Variants in THSD4 observed in about 807,000 individuals in gnomAD.
The protein encoded by THSD4 is thrombospondin type 1 domain containing 4.
A neutral mutation model predicts 119.0 loss-of-function variants in THSD4; 69 were observed. That is an observed-to-expected ratio of 0.58 (90% CI 0.48 to 0.71). The LOEUF (loss-of-function observed/expected upper bound fraction) is 0.71, where lower values mean the gene tolerates loss of function less well. Ranked by LOEUF, THSD4 falls within the 30% of genes least tolerant of loss-of-function variation. The pLI is 0.00. For missense variants in THSD4, 1,393 were observed against 1,391.1 expected (o/e 1.00, Z -0.02); for synonymous variants, 524 against 540.4 (o/e 0.97, Z 0.42).
intron 6 of THSD4, among the ~76,000 whole-genome samples, chr15:71,373,219 T>C (rs1331907366): frequency 1.3e-5 from 2 of 152,230 alleles, no homozygotes; most frequent in African/African-American, 4.8e-5. Context: ...GGATTAAAAA[T>C]AATTCTTAAT....
chr15:71,560,193 A>G (rs373547439), intron 7 of THSD4, among the ~76,000 whole-genome samples: 4 of 152,384 alleles, frequency 2.6e-5, no homozygotes, highest in African/African-American at 9.6e-5. Flanking sequence ...TTTTTAAGGG[A>G]CAAAATGAGT....
chr15:71,604,409 CACAATGGTTACTTT>C (rs2050069234), intron 7 of THSD4, among the ~76,000 whole-genome samples: 1 of 152,136 alleles, frequency 6.6e-6, no homozygotes, highest in African/African-American at 2.4e-5. Flanking sequence ...GTAATCCTTC[CACAATGGTTACTTT>C]ACCCTACATG....
At chr15:71,494,705 A>G (rs1402258611) in intron 7 of THSD4, among the ~76,000 whole-genome samples, 1 of 152,202 alleles carries the variant, frequency 6.6e-6, no homozygotes, top group Non-Finnish European at 1.5e-5. Flanking sequence ...AGAGGAGGAC[A>G]GAAGCCTCCA....
Position 71,193,819 on chromosome 15 carries a change from T to C in THSD4, c.100-21216T>C, listed in dbSNP as rs562114692. On this transcript the variant is annotated intron_variant, in intron 3 of 17. Coordinates refer to ENST00000261862, the MANE Select transcript of THSD4 (RefSeq NM_024817.3). ...GCCTCCCGGGTTCACACCATTCTCC[T>C]GCCTCAGCCTCCCTAGTCCCCCCTG... 2.6e-4 allele frequency among the ~76,000 whole-genome samples: 40 copies of C among 152,310 alleles called. No homozygotes were observed. The South Asian group carries it at 3.1e-3, about 12-fold the overall frequency.
intron 6 of THSD4, among the ~76,000 whole-genome samples, chr15:71,379,689 ACCC>A (rs2046202662): frequency 6.6e-6 from 1 of 150,892 alleles, no homozygotes; most frequent in African/African-American, 2.4e-5. Flanking sequence ...CAATCTCCTG[ACCC>A]CGTGATCCAC....
At chr15:71,152,445 A>G (rs950087978) in intron 2 of THSD4, among the ~76,000 whole-genome samples, 12 of 151,956 alleles carry the variant, frequency 7.9e-5, no homozygotes, top group Non-Finnish European at 1.5e-4. Flanking sequence ...ATAAAAATCA[A>G]CAAAAGGAAA....
intron 6 of THSD4, among the ~76,000 whole-genome samples, chr15:71,374,403 ACTT>A (rs1249369834): frequency 6.6e-6 from 1 of 152,196 alleles, no homozygotes; most frequent in African/African-American, 2.4e-5. Context: ...AGTATCTGTT[ACTT>A]CTTATCCCAT....
intron 7 of THSD4, among the ~76,000 whole-genome samples, chr15:71,426,476 A>T (rs1259097447): frequency 6.6e-6 from 1 of 151,508 alleles, no homozygotes; most frequent in East Asian, 1.9e-4. Context: ...ACACAAGTAG[A>T]CCCTGCTCAT....
intron 11 of THSD4, among the ~76,000 whole-genome samples, chr15:71,744,474 G>A (rs768120887): frequency 2.6e-5 from 4 of 152,112 alleles, no homozygotes; most frequent in Non-Finnish European, 5.9e-5. Flanking sequence ...GAACATGAAA[G>A]ACGCTTGCCA....
intron 7 of THSD4, among the ~76,000 whole-genome samples, chr15:71,631,001 A>G (rs1269785207): frequency 2.0e-5 from 3 of 151,994 alleles, no homozygotes; most frequent in Non-Finnish European, 4.4e-5. Context: ...CTCCCCAACC[A>G]CCAACTGGAC....
At chr15:71,658,721 A>C (rs2051238670) in intron 7 of THSD4, among the ~76,000 whole-genome samples, 1 of 152,166 alleles carries the variant, frequency 6.6e-6, no homozygotes. Context: ...GAAGGATTTG[A>C]GGGAGGAGAA....
At chr15:71,592,828 T>C (rs1004085829) in intron 7 of THSD4, among the ~76,000 whole-genome samples, 2 of 151,998 alleles carry the variant, frequency 1.3e-5, no homozygotes, top group Non-Finnish European at 2.9e-5. Flanking sequence ...GAGTAACATT[T>C]AGCAAGCAGC....
At chr15:71,316,747 G>T (rs1363529280) in intron 6 of THSD4, among the ~76,000 whole-genome samples, 1 of 152,150 alleles carries the variant, frequency 6.6e-6, no homozygotes, top group Non-Finnish European at 1.5e-5. Context: ...AAGCAGCAGG[G>T]TCTGGCTGGA....
intron 6 of THSD4, among the ~76,000 whole-genome samples, chr15:71,352,687 CA>C (rs1332854830): frequency 6.6e-6 from 1 of 152,112 alleles, no homozygotes; most frequent in Non-Finnish European, 1.5e-5. Flanking sequence ...TCAAAGAGCT[CA>C]GAGATACCAG....
chr15:71,579,754 A>G (rs1456700200), intron 7 of THSD4, among the ~76,000 whole-genome samples: 2 of 152,226 alleles, frequency 1.3e-5, no homozygotes, highest in Admixed American at 1.3e-4. Context: ...TGGAAGGTAA[A>G]ACAATAGCAA....
At chr15:71,287,357 A>G (rs2044730926) in intron 6 of THSD4, among the ~76,000 whole-genome samples, 1 of 152,188 alleles carries the variant, frequency 6.6e-6, no homozygotes, top group African/African-American at 2.4e-5. Flanking sequence ...ACTGAAAATA[A>G]TCTTATTATC....
rs2047699025 is a variant in THSD4, at chr15:71,479,541, T to C, written c.1152+67718T>C. 3.3e-5 allele frequency among the ~76,000 whole-genome samples: 5 copies of C among 152,306 alleles called. No homozygotes were observed. In the South Asian group the frequency reaches 1.0e-3, roughly 32 times the overall value. ...GGGAAACTGAGCACTAATTCACAGA[T>C]ATGCATCTCGGAGTCTGAAACAGAG... is the stretch of plus-strand genomic sequence containing the variant. On this transcript the variant is annotated intron_variant, in intron 7 of 17. Transcript: ENST00000261862.
chr15:71,247,079 G>A (rs1048560611), intron 5 of THSD4, among the ~76,000 whole-genome samples: 1 of 151,898 alleles, frequency 6.6e-6, no homozygotes, highest in Non-Finnish European at 1.5e-5. Context: ...TGTATTTTTA[G>A]TAGAGATGGG....
chr15:71,652,788 T>C (rs2051117739), intron 7 of THSD4, among the ~76,000 whole-genome samples: 1 of 152,184 alleles, frequency 6.6e-6, no homozygotes, highest in Non-Finnish European at 1.5e-5. Context: ...AGCCATAAGC[T>C]TGATTAAAAC....
Sources: allele counts gnomAD v4.1 joint callset (sites outside exome capture counted in the v4.1 genomes callset), GRCh38; gene constraint gnomAD v4.1.1; transcripts MANE v1.5; gene names NCBI Gene and HGNC (gene_info 2026-07-23, HGNC 2026-07-21).